PCDH11X: variants seen among roughly 807,000 people sequenced by gnomAD.
The protein encoded by PCDH11X is protocadherin 11 X-linked.
A neutral mutation model predicts 53.3 loss-of-function variants in PCDH11X; 18 were observed. The observed-to-expected ratio is 0.34, with a 90% confidence interval of 0.23 to 0.50. The LOEUF (loss-of-function observed/expected upper bound fraction) is 0.50, where lower values mean the gene tolerates loss of function less well. Among genes scored for constraint, PCDH11X ranks in the 20% least tolerant of loss-of-function variants. PCDH11X has a pLI of 0.98. For missense variants in PCDH11X, 570 were observed against 1,032.4 expected (o/e 0.55, Z 6.14); for synonymous variants, 279 against 393.3 (o/e 0.71, Z 3.44).
Position 92,315,155 on chromosome X carries a change from A to T in PCDH11X, c.3144+52012A>T, listed in dbSNP as rs185101632. The stretch of plus-strand genomic sequence containing the variant: ...AAGTTGAAACACTAAACAACTTTCA[A>T]ATCTTTAAACTTTTACAGATGCTCA... On this transcript the variant is annotated intron_variant, in intron 8 of 10. Transcript: ENST00000682573. Among the ~76,000 whole-genome samples the T allele has an allele frequency of 1.3e-4, 15 of 111,967 alleles. No individual in the cohort carries two copies. The East Asian group carries it at 4.2e-3, about 32-fold the overall frequency.
intron 10 of PCDH11X, among the ~76,000 whole-genome samples, chrX:92,579,351 A>G (rs1164691213): frequency 9.2e-6 from 1 of 108,487 alleles, no homozygotes; most frequent in Non-Finnish European, 1.9e-5. Flanking sequence ...TTTCAACTTG[A>G]TTCCATTTCC....
Position 92,105,095 on chromosome X carries a change from G to A in PCDH11X, c.3034-96280G>A, listed in dbSNP as rs770644059. Reference sequence around the variant, plus strand: ...TGAAATGATTAAACACCAAGGGAAGGCTGCCTTCCCAGTCCGTGACCGGCA... The same window carrying A: ...TGAAATGATTAAACACCAAGGGAAGACTGCCTTCCCAGTCCGTGACCGGCA... On this transcript the variant is annotated intron_variant, in intron 6 of 10. Transcript: ENST00000682573. 3.4e-3 allele frequency among the ~76,000 whole-genome samples: 376 copies of A among 111,645 alleles called. 1 individual carries two copies. Among genetic ancestry groups the A allele is most frequent in the Non-Finnish European group, 5.1e-3 (273 of 53,135 alleles).
At chrX:92,419,210 G>T (rs2071890864) in intron 9 of PCDH11X, among the ~76,000 whole-genome samples, 1 of 104,372 alleles carries the variant, frequency 9.6e-6, no homozygotes. Flanking sequence ...TTTGCTTTTG[G>T]TTTGCATGGT....
At chrX:92,581,819 G>T (rs1029180259) in intron 10 of PCDH11X, among the ~76,000 whole-genome samples, 9 of 109,740 alleles carry the variant, frequency 8.2e-5, no homozygotes, top group African/African-American at 3.0e-4. Flanking sequence ...CTAACAAAAT[G>T]CTGACAGTAA....
chrX:91,948,492 G>A (rs2061602231), intron 6 of PCDH11X, among the ~76,000 whole-genome samples: 1 of 109,988 alleles, frequency 9.1e-6, no homozygotes, highest in African/African-American at 3.3e-5. Context: ...CCTTGGGTTT[G>A]GAATTCAATA....
chrX:92,266,724 T>C (rs189595158), intron 8 of PCDH11X, among the ~76,000 whole-genome samples: 10 of 108,820 alleles, frequency 9.2e-5, no homozygotes, highest in Non-Finnish European at 1.7e-4. Flanking sequence ...AATTGAATAG[T>C]GTAAGCAGTA....
chrX:92,508,714 A>C (rs759163301), intron 10 of PCDH11X, among the ~76,000 whole-genome samples: 248 of 108,150 alleles, frequency 2.3e-3, no homozygotes, highest in Middle Eastern at 4.9e-3. Flanking sequence ...TTTTAAGGTA[A>C]TATGCCTGAA....
chrX:92,446,041 C>T (rs1307305158), intron 9 of PCDH11X, among the ~76,000 whole-genome samples: 2 of 109,650 alleles, frequency 1.8e-5, no homozygotes, highest in African/African-American at 3.3e-5. Context: ...GGTTTTGTGT[C>T]ATGTCTCAAT....
intron 6 of PCDH11X, among the ~76,000 whole-genome samples, chrX:91,937,062 G>A (rs2061452975): frequency 9.1e-6 from 1 of 109,906 alleles, no homozygotes; most frequent in Non-Finnish European, 1.9e-5. Context: ...CACTTAATAG[G>A]AATCTATTTT....
At position 92,621,075 on chromosome X, in the gene PCDH11X, T is replaced by C. The variant is rs1215021377; in HGVS notation, c.*2135T>C. On this transcript the variant is annotated 3_prime_UTR_variant, in exon 11 of 11. Coordinates refer to ENST00000682573, the MANE Select transcript of PCDH11X (RefSeq NM_032968.5). ...AAAGATGATGTGAGATTTTTTCTTG[T>C]GTTTTAATTATTTTCACATTTTCTC... is the stretch of plus-strand genomic sequence containing the variant. 1 of 101,378 alleles carries C rather than the reference T, an allele frequency of 9.9e-6. No individual in the cohort carries two copies. Among genetic ancestry groups the C allele is most frequent in the Non-Finnish European group, 2.0e-5 (1 of 50,694 alleles). The allele number at this position is 101,378 out of a possible 1,213,427, so 8.4% of individuals were successfully genotyped here. A position where few individuals can be genotyped will look rare whatever the true frequency, so the allele number is the denominator to read the frequency against.
chrX:91,914,633 G>A (rs1216277102), intron 6 of PCDH11X, among the ~76,000 whole-genome samples: 1 of 111,350 alleles, frequency 9.0e-6, no homozygotes, highest in Non-Finnish European at 1.9e-5. Flanking sequence ...CAGTAGCATA[G>A]AACACGTAGA....
intron 7 of PCDH11X, among the ~76,000 whole-genome samples, chrX:92,202,126 A>G (rs1029081695): frequency 1.3e-4 from 15 of 111,762 alleles, no homozygotes; most frequent in African/African-American, 4.6e-4. Flanking sequence ...ATACATTGGC[A>G]TGATTCCAAG....
chrX:91,889,930 G>A (rs985868532), intron 6 of PCDH11X, among the ~76,000 whole-genome samples: 1 of 111,273 alleles, frequency 9.0e-6, no homozygotes, highest in African/African-American at 3.3e-5. Context: ...ACACAGTGCT[G>A]CAATTCAATT....
chrX:92,605,865 A>G (rs1377984949), intron 10 of PCDH11X, among the ~76,000 whole-genome samples: 2 of 110,731 alleles, frequency 1.8e-5, no homozygotes, highest in Non-Finnish European at 3.8e-5. Flanking sequence ...GTAAGACAAT[A>G]TTATAAGATG....
rs57653330 is a variant in PCDH11X at position 92,293,614 on chromosome X, C to T, written c.3144+30471C>T. ...CTCCAGCCTGGGCGACAGAGCGAGA[C>T]TCCGTCTCAAAAAAAAAAAAAAAAG... On this transcript the variant is annotated intron_variant, in intron 8 of 10. Transcript: ENST00000682573. Among the ~76,000 whole-genome samples, 811 of 93,839 alleles carry T rather than the reference C, an allele frequency of 8.6e-3. 13 individuals carry two copies. The highest frequency in any genetic ancestry group is 0.035 in the African/African-American group (757 of 21,399). The allele number at this position is 93,839 out of a possible 115,157, so 81.5% of individuals were successfully genotyped here.
intron 9 of PCDH11X, among the ~76,000 whole-genome samples, chrX:92,426,521 G>T (rs1436933738): frequency 1.8e-5 from 2 of 108,883 alleles, no homozygotes; most frequent in African/African-American, 6.7e-5. Flanking sequence ...GGAAAAATTT[G>T]CATCGAACTA....
At chrX:91,964,045 G>A (rs2061830170) in intron 6 of PCDH11X, among the ~76,000 whole-genome samples, 3 of 109,175 alleles carry the variant, frequency 2.7e-5, no homozygotes, top group Middle Eastern at 4.7e-3. Context: ...ATTTGTCTGG[G>A]GACACAGCCA....
chrX:92,352,215 A>G (rs6618980), intron 8 of PCDH11X, among the ~76,000 whole-genome samples: 29,911 of 110,935 alleles, frequency 0.27, 3,736 homozygotes, highest in East Asian at 0.85. Context: ...ACAAAAAAAC[A>G]TAGTGTTTTA....
chrX:92,277,209 T>C, intron 8 of PCDH11X, among the ~76,000 whole-genome samples: 1 of 108,111 alleles, frequency 9.2e-6, no homozygotes, highest in Non-Finnish European at 1.9e-5. Flanking sequence ...TTGGGAGGAG[T>C]TGCACTGGGC....
Sources: gnomAD v4.1 joint callset for allele counts (sites outside exome capture counted in the v4.1 genomes callset) on GRCh38, gnomAD v4.1.1 for gene constraint, MANE v1.5 for transcripts, NCBI Gene and HGNC (gene_info 2026-07-23, HGNC 2026-07-21) for gene names.